Variants in TUT7 observed in about 807,000 individuals in gnomAD.
TUT7 encodes terminal uridylyltransferase 7.
A neutral mutation model predicts 165.9 loss-of-function variants in TUT7; 33 were observed. The ratio of observed to expected loss-of-function variants is 0.20; its 90% confidence interval spans 0.15 to 0.27. The LOEUF (loss-of-function observed/expected upper bound fraction) is 0.27, where lower values mean the gene tolerates loss of function less well. Among genes scored for constraint, TUT7 ranks in the 10% least tolerant of loss-of-function variants. TUT7 has a pLI of 1.00. For synonymous variants in TUT7, 552 were observed against 608.1 expected (o/e 0.91, Z 1.36); for missense variants, 1,338 against 1,762.3 (o/e 0.76, Z 4.31).
intron 5 of TUT7, 39 bp downstream of exon 5, chr9:86,344,938 T>G (rs749623421): frequency 2.6e-6 from 4 of 1,551,208 alleles, no homozygotes; most frequent in Non-Finnish European, 3.5e-6. Context: ...AATGAGGTAC[T>G]TTTAGGTAGT....
intron 26 of TUT7, among the ~76,000 whole-genome samples, chr9:86,296,447 G>T (rs1317133799): frequency 6.6e-6 from 1 of 152,200 alleles, no homozygotes; most frequent in African/African-American, 2.4e-5. Flanking sequence ...GATAGAGGGG[G>T]AGGGAGGTAA....
intron 14 of TUT7, among the ~76,000 whole-genome samples, chr9:86,320,240 A>T (rs1316095817): frequency 2.1e-5 from 3 of 140,606 alleles, no homozygotes; most frequent in East Asian, 2.0e-4. Context: ...CTCATAATAT[A>T]AAAAAAAAAA....
chr9:86,324,617 GA>G (rs3831224), intron 12 of TUT7: 84,063 of 151,482 alleles, frequency 0.55, 23,513 homozygotes, highest in African/African-American at 0.56. Flanking sequence ...CATAAAGCTT[GA>G]AAAAAAAATC....
chr9:86,346,610 T>G, intron 2 of TUT7, 130 bp from the exon 3 acceptor site: 1 of 916,598 alleles, frequency 1.1e-6, no homozygotes, highest in Admixed American at 2.6e-5. Flanking sequence ...GAAGGAAAGG[T>G]AGCTGTCCTA....
intron 10 of TUT7, among the ~76,000 whole-genome samples, chr9:86,332,952 A>C (rs564243973): frequency 6.6e-6 from 1 of 152,244 alleles, no homozygotes; most frequent in Admixed American, 6.5e-5. Context: ...TAACTGCTTT[A>C]ATGTCTTTGA....
intron 22 of TUT7, among the ~76,000 whole-genome samples, chr9:86,306,125 T>C (rs1200126978): frequency 6.6e-6 from 1 of 152,116 alleles, no homozygotes; most frequent in African/African-American, 2.4e-5. Context: ...AACTTCTATT[T>C]TTCACATCCC....
chr9:86,307,045 C>T (rs921384198), intron 22 of TUT7, among the ~76,000 whole-genome samples: 7 of 151,902 alleles, frequency 4.6e-5, no homozygotes, highest in South Asian at 2.1e-4. Context: ...TGAAGTGGGC[C>T]GGATCACCTG....
In TUT7 at chr9:86,318,918, C is replaced by T. The variant is rs772859141; in HGVS notation, c.3216+40G>A. The T allele has an allele frequency of 3.6e-5, 54 of 1,515,588 alleles. 1 individual carries two copies. The highest frequency in any genetic ancestry group is 4.7e-5 in the Non-Finnish European group (52 of 1,094,980). 93.9% of individuals were successfully genotyped at this position (1,515,588 alleles called of 1,614,324 possible). On this transcript the variant is annotated intron_variant, in intron 16 of 26. Coordinates refer to ENST00000375963, the MANE Select transcript of TUT7 (RefSeq NM_024617.4). ...ATGCCAGTCTAGATTGGTTAAATCA[C>T]ACTGCCACAGCAAATGGAAGTTTTA...
At chr9:86,315,698 T>A (rs1828644684) in intron 17 of TUT7, among the ~76,000 whole-genome samples, 1 of 151,776 alleles carries the variant, frequency 6.6e-6, no homozygotes, top group Non-Finnish European at 1.5e-5. Flanking sequence ...ATTCCCAAGT[T>A]AAGGGAAATG....
At chr9:86,327,571 C>T (rs574824427) in intron 11 of TUT7, among the ~76,000 whole-genome samples, 1 of 152,212 alleles carries the variant, frequency 6.6e-6, no homozygotes, top group Non-Finnish European at 1.5e-5. Context: ...ACTACAGAGA[C>T]TCCAAATAAG....
intron 17 of TUT7, among the ~76,000 whole-genome samples, chr9:86,312,100 GC>G: frequency 6.6e-6 from 1 of 151,936 alleles, no homozygotes; most frequent in South Asian, 2.1e-4. Flanking sequence ...GATGTGAGGA[GC>G]CCCTCTGCCT....
chr9:86,349,086 C>A (rs1038742740), intron 2 of TUT7, among the ~76,000 whole-genome samples: 1 of 152,028 alleles, frequency 6.6e-6, no homozygotes, highest in African/African-American at 2.4e-5. Context: ...CGAGACCATC[C>A]TGGCCAACAT....
chr9:86,341,385 T>C (rs903038214), intron 6 of TUT7, among the ~76,000 whole-genome samples: 1 of 152,210 alleles, frequency 6.6e-6, no homozygotes, highest in Admixed American at 6.5e-5. Context: ...TCTAATACCA[T>C]TGCAACAGAT....
At chr9:86,330,745 T>C (rs7022913) in intron 10 of TUT7, among the ~76,000 whole-genome samples, 45,903 of 152,078 alleles carry the variant, frequency 0.3, 8,203 homozygotes, top group East Asian at 0.49. Flanking sequence ...GGTTTCCAGC[T>C]TTTTGAGGTG....
intron 10 of TUT7, among the ~76,000 whole-genome samples, chr9:86,332,169 C>A (rs891901525): frequency 1.3e-5 from 2 of 152,094 alleles, no homozygotes; most frequent in Non-Finnish European, 2.9e-5. Flanking sequence ...ACCATTCAAC[C>A]CAGCAATCCC....
chr9:86,334,110 C>A (rs2131520720), intron 10 of TUT7, among the ~76,000 whole-genome samples: 1 of 152,290 alleles, frequency 6.6e-6, no homozygotes, highest in African/African-American at 2.4e-5. Context: ...ACCACCCTTA[C>A]TTAGATGAGA....
At chr9:86,303,757 C>G (rs777781770) in intron 24 of TUT7, among the ~76,000 whole-genome samples, 3 of 152,184 alleles carry the variant, frequency 2.0e-5, no homozygotes, top group Non-Finnish European at 2.9e-5. Flanking sequence ...CCCCAGGGAG[C>G]TTGCTGGAAA....
chr9:86,334,727 G>T (rs1312404230), intron 10 of TUT7, among the ~76,000 whole-genome samples: 1 of 151,970 alleles, frequency 6.6e-6, no homozygotes. Context: ...TTTATACCCA[G>T]GGTTCTTTTT....
At chr9:86,317,347 A>G (rs1828814972) in intron 16 of TUT7, 71 bp from the exon 17 acceptor site, 1 of 1,217,956 alleles carries the variant, frequency 8.2e-7, no homozygotes, top group Admixed American at 1.9e-5. Context: ...TATAGTTTCC[A>G]TTACCTTCAG....
Sources: gnomAD v4.1 joint callset for allele counts (sites outside exome capture counted in the v4.1 genomes callset) on GRCh38, gnomAD v4.1.1 for gene constraint, MANE v1.5 for transcripts, NCBI Gene and HGNC (gene_info 2026-07-23, HGNC 2026-07-21) for gene names.